RALGPS1: variants seen among roughly 807,000 people sequenced by gnomAD.
RALGPS1 encodes the protein ras-specific guanine nucleotide-releasing factor RalGPS1.
In RALGPS1, 19 loss-of-function variants were observed where a neutral mutation model predicts 78.8. The ratio of observed to expected loss-of-function variants is 0.24; its 90% CI spans 0.17 to 0.35. The LOEUF (loss-of-function observed/expected upper bound fraction) is 0.35, where lower values mean the gene tolerates loss of function less well. RALGPS1 is among the 10% of genes least tolerant of loss of function. RALGPS1 has a pLI of 1.00. For synonymous variants in RALGPS1, 228 were observed against 256.3 expected (o/e 0.89, Z 1.06); for missense variants, 454 against 688.3 (o/e 0.66, Z 3.81).
chr9:127,164,435 G>C (rs1447106973), intron 8 of RALGPS1, among the ~76,000 whole-genome samples: 1 of 151,636 alleles, frequency 6.6e-6, no homozygotes, highest in Non-Finnish European at 1.5e-5. Flanking sequence ...GGCTTTCACC[G>C]TGTTAGCCGA....
intron 11 of RALGPS1, among the ~76,000 whole-genome samples, chr9:127,192,622 C>T (rs1388769627): frequency 2.6e-5 from 4 of 151,980 alleles, no homozygotes; most frequent in Non-Finnish European, 5.9e-5. Flanking sequence ...AGCATCACTG[C>T]GCTCCATCCT....
rs57350486 is a variant in RALGPS1, at chr9:127,052,616, A to G, written c.391-231A>G. 5.5e-3 allele frequency among the ~76,000 whole-genome samples: 837 copies of G among 152,360 alleles called. 27 individuals carry two copies. The East Asian group carries it at 0.077, about 14-fold the overall frequency. On this transcript the variant is annotated intron_variant, in intron 6 of 18. Transcript: ENST00000259351. The stretch of plus-strand genomic sequence containing the variant: ...ACACTATCAAACCTTACCCCGTGCC[A>G]CGTTTCTGTCCAGACTAGTCAGACT...
chr9:127,203,173 C>T (rs1031824394), intron 14 of RALGPS1, among the ~76,000 whole-genome samples: 4 of 152,118 alleles, frequency 2.6e-5, no homozygotes, highest in Admixed American at 6.5e-5. Context: ...ATTGTAGCGG[C>T]GATCATGTAT....
rs2062794815 is a variant in RALGPS1, at chr9:127,222,370, G to C, written c.*3601G>C. On this transcript the variant is annotated 3_prime_UTR_variant, in exon 19 of 19. Coordinates refer to ENST00000259351, the MANE Select transcript of RALGPS1 (RefSeq NM_014636.3). ...ATCCTAGAGGCTGCTTGGCCCAGAA[G>C]AGCCAGGCACAGAGCTGCAGTTGGG... 1 of 152,272 alleles carries C rather than the reference G, an allele frequency of 6.6e-6. No individual in the cohort carries two copies. The highest frequency in any genetic ancestry group is 2.4e-5 in the African/African-American group (1 of 41,460). 9.4% of individuals were successfully genotyped at this position (152,272 alleles called of 1,614,324 possible). A position where few individuals can be genotyped will look rare whatever the true frequency, so the allele number is the denominator to read the frequency against.
intron 1 of RALGPS1, among the ~76,000 whole-genome samples, chr9:126,932,884 G>C (rs939060945): frequency 6.6e-6 from 1 of 152,204 alleles, no homozygotes; most frequent in African/African-American, 2.4e-5. Flanking sequence ...GCCAAGGCTT[G>C]CCACCACAAG....
intron 14 of RALGPS1, chr9:127,210,879 C>A (rs1034944049): frequency 9.7e-7 from 1 of 1,026,556 alleles, no homozygotes; most frequent in Non-Finnish European, 1.4e-6. Flanking sequence ...GAAACAGACA[C>A]AGCCTTTGCC....
chr9:127,001,672 T>C (rs572049862), intron 4 of RALGPS1, among the ~76,000 whole-genome samples: 28 of 152,224 alleles, frequency 1.8e-4, no homozygotes, highest in African/African-American at 6.5e-4. Context: ...GATTACTAGG[T>C]CAGGAGTTCG....
intron 1 of RALGPS1, among the ~76,000 whole-genome samples, chr9:126,961,989 T>G (rs2132126235): frequency 6.6e-6 from 1 of 152,322 alleles, no homozygotes; most frequent in Non-Finnish European, 1.5e-5. Flanking sequence ...TGCAGAATTC[T>G]ATGTGAAATC....
intron 17 of RALGPS1, 92 bp from the exon 18 acceptor site, chr9:127,214,659 A>G (rs989903662): frequency 6.6e-7 from 1 of 1,518,080 alleles, no homozygotes; most frequent in Non-Finnish European, 8.8e-7. Flanking sequence ...TTCCCACTTT[A>G]GTTACCCGTG....
intron 4 of RALGPS1, among the ~76,000 whole-genome samples, chr9:127,026,067 A>G (rs1034245063): frequency 6.6e-6 from 1 of 152,178 alleles, no homozygotes; most frequent in Non-Finnish European, 1.5e-5. Context: ...GGATATATAT[A>G]CAAAAGGGAG....
At chr9:126,924,864 G>A (rs566124072) in intron 1 of RALGPS1, among the ~76,000 whole-genome samples, 42 of 152,196 alleles carry the variant, frequency 2.8e-4, no homozygotes, top group Admixed American at 4.6e-4. Flanking sequence ...GGTGGCTGAC[G>A]CCTGTAATCC....
chr9:127,178,061 A>G, intron 11 of RALGPS1: 1 of 1,431,964 alleles, frequency 7.0e-7, no homozygotes. Flanking sequence ...GGGAGGGTGG[A>G]GCCCTAGGCT....
chr9:127,066,925 G>A (rs1422380121), intron 7 of RALGPS1, among the ~76,000 whole-genome samples: 1 of 152,042 alleles, frequency 6.6e-6, no homozygotes, highest in Non-Finnish European at 1.5e-5. Flanking sequence ...CTGGACTTAA[G>A]CAATCTTCCT....
rs568331920 is a variant in RALGPS1, at chr9:127,059,694, C to G, written c.483+6755C>G. On this transcript the variant is annotated intron_variant, in intron 7 of 18. Coordinates refer to ENST00000259351, the MANE Select transcript of RALGPS1 (RefSeq NM_014636.3). ...CTTTTCAGTTATAGCCCTGATCTCT[C>G]TCCTGCACCCTAGAACCCTGTTCCA... Among the ~76,000 whole-genome samples, 30 of 152,104 alleles carry G rather than the reference C, an allele frequency of 2.0e-4. No homozygotes were observed. In the South Asian group the frequency reaches 4.6e-3, roughly 23 times the overall value.
At chr9:127,133,950 C>T (rs1002975090) in intron 8 of RALGPS1, among the ~76,000 whole-genome samples, 3 of 152,078 alleles carry the variant, frequency 2.0e-5, no homozygotes, top group Admixed American at 6.5e-5. Context: ...GCCCCTGCCT[C>T]CTAGGCTGCT....
chr9:127,201,589 T>C (rs1401059358), intron 14 of RALGPS1, among the ~76,000 whole-genome samples: 2 of 152,234 alleles, frequency 1.3e-5, no homozygotes, highest in Non-Finnish European at 2.9e-5. Flanking sequence ...ATTGACCTCT[T>C]GCAGCTTGAA....
At chr9:127,180,438 C>T (rs578054700) in intron 11 of RALGPS1, among the ~76,000 whole-genome samples, 2 of 152,372 alleles carry the variant, frequency 1.3e-5, no homozygotes, top group Non-Finnish European at 2.9e-5. Context: ...TCAGGCAGAG[C>T]TCAGTTCAGA....
chr9:127,057,799 A>AT (rs2048867334), intron 7 of RALGPS1, among the ~76,000 whole-genome samples: 1 of 152,214 alleles, frequency 6.6e-6, no homozygotes, highest in African/African-American at 2.4e-5. Flanking sequence ...CCCTGTCCTC[A>AT]TGGGCTTTCA....
At chr9:126,919,640 A>C (rs2034548633) in intron 1 of RALGPS1, among the ~76,000 whole-genome samples, 1 of 152,234 alleles carries the variant, frequency 6.6e-6, no homozygotes, top group South Asian at 2.1e-4. Context: ...AGATCATGCT[A>C]TGCAAAGTAC....
Sources: allele counts gnomAD v4.1 joint callset (sites outside exome capture counted in the v4.1 genomes callset), GRCh38; gene constraint gnomAD v4.1.1; transcripts MANE v1.5; gene names NCBI Gene and HGNC (gene_info 2026-07-23, HGNC 2026-07-21).